The following STK32A variants were observed in gnomAD, a reference collection of about 807,000 sequenced individuals.
STK32A encodes the protein serine/threonine-protein kinase 32A.
A neutral mutation model predicts 53.2 loss-of-function variants in STK32A; 41 were observed. The ratio of observed to expected loss-of-function variants is 0.77; its 90% confidence interval spans 0.60 to 1.00. The LOEUF is 1.00. STK32A is among the 50% of genes least tolerant of loss of function. The pLI, the probability that STK32A is intolerant of heterozygous loss-of-function variation, is 0.00. For synonymous variants in STK32A, 166 were observed against 162.8 expected, an observed-to-expected ratio of 1.02 and a Z score of -0.15; for missense variants, 458 against 485.8, an observed-to-expected ratio of 0.94 and a Z score of 0.54.
At chr5:147,343,530 C>T (rs1012422248) in intron 6 of STK32A, among the ~76,000 whole-genome samples, 1 of 152,208 alleles carries the variant, frequency 6.6e-6, no homozygotes, top group African/African-American at 2.4e-5. Context: ...TTTACATTTA[C>T]TTAATATCAC....
intron 4 of STK32A, among the ~76,000 whole-genome samples, chr5:147,318,050 C>CA (rs939824749): frequency 6.6e-6 from 1 of 151,572 alleles, no homozygotes; most frequent in Non-Finnish European, 1.5e-5. Flanking sequence ...ATCTTATTTT[C>CA]AAAAAAAATT....
chr5:147,308,731 T>TG (rs1753546401), intron 4 of STK32A, among the ~76,000 whole-genome samples: 1 of 151,600 alleles, frequency 6.6e-6, no homozygotes, highest in South Asian at 2.1e-4. Context: ...CTAGAAGTTT[T>TG]TTTTTTTTTT....
At chr5:147,305,361 TC>T (rs1160174439) in intron 4 of STK32A, among the ~76,000 whole-genome samples, 2 of 152,098 alleles carry the variant, frequency 1.3e-5, no homozygotes, top group Non-Finnish European at 2.9e-5. Context: ...AGCGCGAACT[TC>T]CCCTGGCTCC....
chr5:147,401,436 A>C, the STK32A span: 1 of 1,321,316 alleles, frequency 7.6e-7, no homozygotes, highest in Non-Finnish European at 1.0e-6. Flanking sequence ...CACACTGCAG[A>C]CTCTGGTCAA....
At chr5:147,303,178 G>A (rs1753224035) in intron 4 of STK32A, among the ~76,000 whole-genome samples, 1 of 152,168 alleles carries the variant, frequency 6.6e-6, no homozygotes, top group African/African-American at 2.4e-5. Flanking sequence ...TTTAGATTAA[G>A]AATTAGATGC....
At chr5:147,264,845 G>T (rs1047800692) in intron 2 of STK32A, among the ~76,000 whole-genome samples, 2 of 151,914 alleles carry the variant, frequency 1.3e-5, no homozygotes, top group South Asian at 2.1e-4. Flanking sequence ...GATTAGAAGG[G>T]GGGTAAGTAG....
rs181042465 is a variant in STK32A at position 147,257,818 on chromosome 5, A to G, written c.52+18132A>G. 8.7e-3 allele frequency among the ~76,000 whole-genome samples: 1,322 copies of G among 152,300 alleles called. 21 individuals carry two copies. Among genetic ancestry groups the G allele is most frequent in the Non-Finnish European group, 0.012 (823 of 68,016 alleles). On this transcript the variant is annotated intron_variant, in intron 2 of 12. Coordinates refer to ENST00000397936, the MANE Select transcript of STK32A (RefSeq NM_001112724.2). ...CTGTGCTAAAAGACTTTTAGTTTTG[A>G]GGGAAAGGAAAATGGAAGATAAACC...
Position 147,385,535 on chromosome 5 carries a change from T to G in STK32A, c.*1552T>G, listed in dbSNP as rs900316282. On this transcript the variant is annotated 3_prime_UTR_variant, in exon 13 of 13. Coordinates refer to ENST00000397936, the MANE Select transcript of STK32A (RefSeq NM_001112724.2). Reference sequence around the variant, plus strand: ...AGTGGTATCATGTCTCCCTTCTCCCTTGTGCTTACTACAAGAATGGCAGGC... The same window carrying G: ...AGTGGTATCATGTCTCCCTTCTCCCGTGTGCTTACTACAAGAATGGCAGGC... 1 of 152,212 alleles carries G rather than the reference T, an allele frequency of 6.6e-6. No homozygotes were observed. Among genetic ancestry groups the G allele is most frequent in the Non-Finnish European group, 1.5e-5 (1 of 68,040 alleles). The allele number at this position is 152,212 out of a possible 1,614,324, so 9.4% of individuals were successfully genotyped here.
At chr5:147,273,487 A>G (rs906543952) in intron 2 of STK32A, among the ~76,000 whole-genome samples, 1 of 152,204 alleles carries the variant, frequency 6.6e-6, no homozygotes, top group African/African-American at 2.4e-5. Context: ...AGTTGATTTT[A>G]CCCACTCCTC....
chr5:147,236,599 T>C (rs1321880680), intron 1 of STK32A, among the ~76,000 whole-genome samples: 1 of 152,106 alleles, frequency 6.6e-6, no homozygotes, highest in Non-Finnish European at 1.5e-5. Context: ...AACTGGATTG[T>C]GTATGTTAGG....
chr5:147,339,805 T>C (rs961260648), intron 5 of STK32A, among the ~76,000 whole-genome samples: 6 of 152,374 alleles, frequency 3.9e-5, no homozygotes, highest in Middle Eastern at 3.4e-3. Context: ...CACTTTGTTT[T>C]GGCCAATTCC....
At chr5:147,372,256 G>C (rs902243412) in intron 9 of STK32A, among the ~76,000 whole-genome samples, 1 of 141,962 alleles carries the variant, frequency 7.0e-6, no homozygotes, top group African/African-American at 2.6e-5. Flanking sequence ...GGCCCAAGAG[G>C]AATGGGCTTG....
chr5:147,372,015 A>G (rs893609301), intron 9 of STK32A, among the ~76,000 whole-genome samples: 1 of 152,038 alleles, frequency 6.6e-6, no homozygotes, highest in Non-Finnish European at 1.5e-5. Flanking sequence ...GTTACGTACC[A>G]TTTTCTTCTT....
chr5:147,279,264 G>A lies in STK32A; in HGVS notation c.126G>A (p.Lys42=). The A allele has an allele frequency of 6.2e-7, 1 of 1,613,776 alleles. No homozygotes were observed. The highest frequency in any genetic ancestry group is 1.1e-5 in the South Asian group (1 of 91,054). The change falls in exon 4 of 13, where the codon AAG becomes AAA. Residue 42 remains lysine, a synonymous_variant. Coordinates refer to ENST00000397936, the MANE Select transcript of STK32A (RefSeq NM_001112724.2). The part of the protein sequence containing the change: ...GSFGKVCIVQ[K]NDTKKMYAMK... Reference sequence around the variant, plus strand: ...ACCATTAGGTCTGCATTGTACAGAAGAATGATACCAAGAAGATGTACGCAA... The same window carrying A: ...ACCATTAGGTCTGCATTGTACAGAAAAATGATACCAAGAAGATGTACGCAA...
intron 2 of STK32A, among the ~76,000 whole-genome samples, chr5:147,262,445 T>C (rs1315436642): frequency 6.6e-6 from 1 of 152,180 alleles, no homozygotes; most frequent in Non-Finnish European, 1.5e-5. Context: ...AGTTAGTTCA[T>C]CCTTCAAAGA....
chr5:147,400,663 G>A, the STK32A span: 1 of 1,608,632 alleles, frequency 6.2e-7, no homozygotes, highest in South Asian at 1.1e-5. Flanking sequence ...TTTGGCTCTG[G>A]CCACCCTCCC....
At chr5:147,277,151 C>T (rs753876377) in intron 2 of STK32A, among the ~76,000 whole-genome samples, 3 of 152,068 alleles carry the variant, frequency 2.0e-5, no homozygotes, top group African/African-American at 7.2e-5. Flanking sequence ...TTTAAAGAGA[C>T]AAATTATATA....
intron 5 of STK32A, among the ~76,000 whole-genome samples, chr5:147,334,003 C>G (rs1314056116): frequency 1.3e-5 from 2 of 152,062 alleles, no homozygotes; most frequent in African/African-American, 4.8e-5. Context: ...AAAATATGAA[C>G]AGCTCCTATT....
At chr5:147,401,591 G>A in the STK32A span, 1 of 1,613,928 alleles carries the variant, frequency 6.2e-7, no homozygotes, top group Non-Finnish European at 8.5e-7. Context: ...AGGGCTCAGG[G>A]GTGGGGATGT....
Sources: allele counts gnomAD v4.1 joint callset (sites outside exome capture counted in the v4.1 genomes callset), GRCh38; gene constraint gnomAD v4.1.1; transcripts MANE v1.5; gene names NCBI Gene and HGNC (gene_info 2026-07-23, HGNC 2026-07-21).